Variants in RAB7A observed in about 807,000 individuals in gnomAD.
RAB7A encodes the protein RAB7A, member RAS oncogene family.
A neutral mutation model predicts 24.5 loss-of-function variants in RAB7A; 2 were observed. The observed-to-expected ratio is 0.08, with a 90% CI of 0.03 to 0.26. The LOEUF is 0.26. Among genes scored for constraint, RAB7A ranks in the 10% least tolerant of loss-of-function variants. The probability of loss-of-function intolerance (pLI) is 1.00; values close to 1 mark genes in which losing one functional copy is unlikely to be tolerated. For missense variants in RAB7A, 118 were observed against 255.7 expected, an observed-to-expected ratio of 0.46 and a Z score of 3.67; for synonymous variants, 100 against 95.9, an observed-to-expected ratio of 1.04 and a Z score of -0.25.
intron 1 of RAB7A, among the ~76,000 whole-genome samples, chr3:128,779,460 T>C (rs368443054): frequency 1.3e-5 from 2 of 151,986 alleles, no homozygotes; most frequent in Admixed American, 6.6e-5. Flanking sequence ...TGCTTTGGTT[T>C]TGTTCTACAG....
At chr3:128,807,312 G>A (rs765579831) in intron 4 of RAB7A, among the ~76,000 whole-genome samples, 10 of 152,212 alleles carry the variant, frequency 6.6e-5, no homozygotes, top group Non-Finnish European at 1.2e-4. Context: ...GGTATGAGCT[G>A]TAGACCGAGA....
At chr3:128,745,653 A>G (rs2070606276) in intron 1 of RAB7A, among the ~76,000 whole-genome samples, 1 of 152,260 alleles carries the variant, frequency 6.6e-6, no homozygotes, top group South Asian at 2.1e-4. Context: ...GGCCTGAGCC[A>G]CCAGGCCCGG....
chr3:128,781,111 A>G (rs950750549), intron 1 of RAB7A, among the ~76,000 whole-genome samples: 3 of 152,248 alleles, frequency 2.0e-5, no homozygotes, highest in African/African-American at 7.2e-5. Flanking sequence ...TGTATTAGAA[A>G]TACAACAAGG....
At chr3:128,727,049 C>G (rs1477297610) in intron 1 of RAB7A, among the ~76,000 whole-genome samples, 1 of 152,214 alleles carries the variant, frequency 6.6e-6, no homozygotes, top group Non-Finnish European at 1.5e-5. Context: ...TCCATTCCGA[C>G]CGTGTTTGGG....
chr3:128,763,208 ATTTTTTTTTTTTTTT>A (rs1174944964), intron 1 of RAB7A, among the ~76,000 whole-genome samples: 1 of 76,060 alleles, frequency 1.3e-5, no homozygotes, highest in East Asian at 3.1e-4. Context: ...ATATATATAT[ATTTTTTTTTTTTTTT>A]TTTTTTTTTG....
At chr3:128,735,595 C>T (rs557059592) in intron 1 of RAB7A, among the ~76,000 whole-genome samples, 1 of 152,194 alleles carries the variant, frequency 6.6e-6, no homozygotes, top group East Asian at 1.9e-4. Context: ...CTTAAACTTT[C>T]AGAGAGTTGC....
chr3:128,746,183 A>T (rs868337500), intron 1 of RAB7A, among the ~76,000 whole-genome samples: 1 of 152,104 alleles, frequency 6.6e-6, no homozygotes, highest in South Asian at 2.1e-4. Context: ...ACAACCCTCC[A>T]TTATTTCTCT....
chr3:128,744,371 A>G (rs1703497942), intron 1 of RAB7A, among the ~76,000 whole-genome samples: 2 of 152,272 alleles, frequency 1.3e-5, no homozygotes, highest in Non-Finnish European at 2.9e-5. Context: ...AGAAAGGCCC[A>G]TACCTGGGTC....
Position 128,796,836 on chromosome 3 carries a change from G to A in RAB7A, c.54-1107G>A, listed in dbSNP as rs964593251. Among the ~76,000 whole-genome samples, 3 of 152,134 alleles carry A rather than the reference G, an allele frequency of 2.0e-5. 1 individual carries two copies. The highest frequency in any genetic ancestry group is 4.2e-4 in the South Asian group (2 of 4,814). ...TGCTACCACTCCTGGTTAAATTTTTGTATTTTTTATAGAGACAGGGTTCTA... is the reference window on the plus strand; with the variant it reads ...TGCTACCACTCCTGGTTAAATTTTTATATTTTTTATAGAGACAGGGTTCTA... On this transcript the variant is annotated intron_variant, in intron 2 of 5. Transcript: ENST00000265062.
rs869119619 is a variant in RAB7A at position 128,809,936 on chromosome 3, C to CTTTTTTTTTTTTTTTT, written c.528+2280_528+2295dup. On this transcript the variant is annotated intron_variant, in intron 5 of 5. Transcript: ENST00000265062. ...GAGGCAAGTTTCCTCTTGCCACAGT[C>CTTTTTTTTTTTTTTTT]TTTTTTTTTTTTTTTTTTTTTTTTT... 3.3e-3 allele frequency among the ~76,000 whole-genome samples: 173 copies of CTTTTTTTTTTTTTTTT among 52,256 alleles called. 47 individuals carry two copies. The highest frequency in any genetic ancestry group is 3.6e-3 in the African/African-American group (43 of 11,836). 34.3% of individuals were successfully genotyped at this position (52,256 alleles called of 152,430 possible).
At chr3:128,773,276 C>A (rs1411453787) in intron 1 of RAB7A, among the ~76,000 whole-genome samples, 83 of 151,736 alleles carry the variant, frequency 5.5e-4, no homozygotes, top group Non-Finnish European at 9.9e-4. Flanking sequence ...GCCCCTCCAC[C>A]CAGCAGCCGC....
chr3:128,739,375 TG>T (rs2070526947), intron 1 of RAB7A, among the ~76,000 whole-genome samples: 1 of 152,012 alleles, frequency 6.6e-6, no homozygotes, highest in African/African-American at 2.4e-5. Flanking sequence ...TAGCTGGGTG[TG>T]GTGGTGCGCT....
intron 1 of RAB7A, among the ~76,000 whole-genome samples, chr3:128,751,304 A>T (rs776689430): frequency 3.3e-4 from 50 of 152,244 alleles, no homozygotes; most frequent in Middle Eastern, 3.4e-3. Flanking sequence ...AAAGCTACAG[A>T]TACTCAACAC....
At chr3:128,732,294 T>C (rs1454538094) in intron 1 of RAB7A, among the ~76,000 whole-genome samples, 2 of 151,852 alleles carry the variant, frequency 1.3e-5, no homozygotes, top group African/African-American at 4.8e-5. Flanking sequence ...CGCCTTGGCC[T>C]CCCAAGGTGC....
chr3:128,773,517 G>A (rs1322615729), intron 1 of RAB7A, among the ~76,000 whole-genome samples: 1 of 141,428 alleles, frequency 7.1e-6, no homozygotes, highest in African/African-American at 2.5e-5. Flanking sequence ...GGAGGTGGGG[G>A]GCACCTCTGC....
At chr3:128,739,599 A>G (rs2070529489) in intron 1 of RAB7A, among the ~76,000 whole-genome samples, 1 of 151,902 alleles carries the variant, frequency 6.6e-6, no homozygotes, top group African/African-American at 2.4e-5. Context: ...TTTATTTTTT[A>G]TAAAATTTAA....
intron 2 of RAB7A, 148 bp from the exon 3 acceptor site, chr3:128,797,795 C>T: frequency 1.2e-6 from 1 of 836,974 alleles, no homozygotes. Flanking sequence ...AAGTGTAATG[C>T]TCGGAAGGCT....
chr3:128,727,902 G>A (rs925560984), intron 1 of RAB7A, among the ~76,000 whole-genome samples: 3 of 152,110 alleles, frequency 2.0e-5, no homozygotes, highest in African/African-American at 4.8e-5. Context: ...TTCTGAAGAA[G>A]GGACCGGCTA....
intron 1 of RAB7A, among the ~76,000 whole-genome samples, chr3:128,773,563 G>T (rs1400998602): frequency 6.6e-6 from 1 of 152,152 alleles, no homozygotes; most frequent in East Asian, 1.9e-4. Flanking sequence ...GAGCCCCTCT[G>T]CCCGGCCACC....
Sources: allele counts gnomAD v4.1 joint callset (sites outside exome capture counted in the v4.1 genomes callset), GRCh38; gene constraint gnomAD v4.1.1; transcripts MANE v1.5; gene names NCBI Gene and HGNC (gene_info 2026-07-23, HGNC 2026-07-21).